IQCE: variants seen among roughly 807,000 people sequenced by gnomAD.
IQCE encodes IQ motif containing E, also known as IQ domain-containing protein E.
IQCE carries 115 observed loss-of-function variants against 96.0 expected under a neutral mutation model. The ratio of observed to expected loss-of-function variants is 1.20; its 90% confidence interval spans 1.03 to 1.40. The LOEUF is 1.40. Ranked by LOEUF, IQCE falls within the 40% of genes most tolerant of loss-of-function variation. The probability of loss-of-function intolerance (pLI) is 0.00; values close to 1 mark genes in which losing one functional copy is unlikely to be tolerated. For missense variants in IQCE, 1,041 were observed against 909.1 expected (o/e 1.15, Z -1.87); for synonymous variants, 412 against 371.2 (o/e 1.11, Z -1.26).
rs137867848 is a variant in IQCE, at chr7:2,566,159, A to C, written c.37-957A>C. Among the ~76,000 whole-genome samples, 465 of 152,320 alleles carry C rather than the reference A, an allele frequency of 3.1e-3. 2 individuals carry two copies. Among genetic ancestry groups the C allele is most frequent in the African/African-American group, 0.011 (450 of 41,580 alleles). ...GGCTCATAATGGGGCATTCAGCTCT[A>C]ACTTCCAGTGTCCGCATTGGAAAGC... On this transcript the variant is annotated intron_variant, in intron 1 of 21. Transcript: ENST00000402050.
Position 2,612,944 on chromosome 7 carries a change from A to G in IQCE, c.*2782A>G, listed in dbSNP as rs888420172. The G allele has an allele frequency of 6.6e-6, 1 of 152,226 alleles. No homozygotes were observed. The highest frequency in any genetic ancestry group is 1.5e-5 in the Non-Finnish European group (1 of 68,054). The allele number at this position is 152,226 out of a possible 1,614,324, so 9.4% of individuals were successfully genotyped here. A position where few individuals can be genotyped will look rare whatever the true frequency, so the allele number is the denominator to read the frequency against. ...GAAAGGGACTCCTGCCCCAGCGTCA[A>G]GTGCCAAAGCAGGCCCCATCTACCA... is the stretch of plus-strand genomic sequence containing the variant. On this transcript the variant is annotated 3_prime_UTR_variant, in exon 22 of 22. Coordinates refer to ENST00000402050, the MANE Select transcript of IQCE (RefSeq NM_152558.5).
Position 2,573,481 on chromosome 7 carries a change from TAAAG to T in IQCE, c.461_464del (p.Lys154SerfsTer12). 2 of 1,522,960 alleles carry T rather than the reference TAAAG, an allele frequency of 1.3e-6. No homozygotes were observed. Among genetic ancestry groups the T allele is most frequent in the Middle Eastern group, 1.7e-4 (1 of 5,924 alleles). 94.3% of individuals were successfully genotyped at this position (1,522,960 alleles called of 1,614,324 possible). A position where few individuals can be genotyped will look rare whatever the true frequency, so the allele number is the denominator to read the frequency against. On this transcript the variant is annotated frameshift_variant, in exon 6 of 22. Coordinates refer to ENST00000402050, the MANE Select transcript of IQCE (RefSeq NM_152558.5). LOFTEE classifies it high-confidence loss of function. The stretch of plus-strand genomic sequence containing the variant: ...GATATGTATGACGAGATTATTGAGT[TAAAG>T]AAGGTAGTATTTCGGTTTGTTCTCT...
At chr7:2,568,852 C>T in intron 2 of IQCE, 102 bp from the exon 3 acceptor site, 2 of 1,066,914 alleles carry the variant, frequency 1.9e-6, no homozygotes, top group Non-Finnish European at 2.8e-6. Flanking sequence ...CGTCCTCTTG[C>T]TGCTCTTACA....
chr7:2,595,259 C>T (rs1185361701), intron 16 of IQCE, among the ~76,000 whole-genome samples: 1 of 152,130 alleles, frequency 6.6e-6, no homozygotes, highest in African/African-American at 2.4e-5. Context: ...TGTAGTTATG[C>T]GGCCGGAGCT....
intron 15 of IQCE, among the ~76,000 whole-genome samples, chr7:2,593,652 A>C (rs907943359): frequency 6.6e-6 from 1 of 152,218 alleles, no homozygotes. Context: ...CGCGTAGCAC[A>C]CGATTCCTTG....
In IQCE at chr7:2,599,823, C is replaced by T. The variant is rs112446624; in HGVS notation, c.1608+1191C>T. On this transcript the variant is annotated intron_variant, in intron 17 of 21. Coordinates refer to ENST00000402050, the MANE Select transcript of IQCE (RefSeq NM_152558.5). ...TCTTTTTTTTTTTGAGATGGAGTTT[C>T]GCTCTTGTGGCCCAGGCTGGAGTGC... is the stretch of plus-strand genomic sequence containing the variant. Among the ~76,000 whole-genome samples the T allele has an allele frequency of 3.0e-4, 45 of 147,988 alleles. 1 individual carries two copies. Among genetic ancestry groups the T allele is most frequent in the African/African-American group, 1.0e-3 (40 of 40,150 alleles).
intron 1 of IQCE, among the ~76,000 whole-genome samples, chr7:2,562,305 A>T (rs1402844804): frequency 1.6e-5 from 2 of 121,520 alleles, no homozygotes; most frequent in African/African-American, 7.4e-5. Flanking sequence ...TATATATAAA[A>T]TCCTTTTCAT....
At chr7:2,603,303 C>T (rs907559093) in intron 18 of IQCE, among the ~76,000 whole-genome samples, 8 of 152,202 alleles carry the variant, frequency 5.3e-5, no homozygotes, top group African/African-American at 1.9e-4. Flanking sequence ...TTCTTGCCAG[C>T]CTCCCGTCAG....
intron 20 of IQCE, among the ~76,000 whole-genome samples, chr7:2,606,919 C>T (rs1479611380): frequency 6.6e-6 from 1 of 152,136 alleles, no homozygotes; most frequent in Non-Finnish European, 1.5e-5. Context: ...TGGACGGGGA[C>T]GTGTCTGAGG....
rs779599450 is a variant in IQCE, at chr7:2,587,894, G to A, written c.1044+17G>A. ...CTGGAGAAGGTGAGCGGGCGTCTCA[G>A]TGCCACTGTCGTTGGGGACCAGGGG... is the stretch of plus-strand genomic sequence containing the variant. On this transcript the variant is annotated intron_variant, in intron 13 of 21. Coordinates refer to ENST00000402050, the MANE Select transcript of IQCE (RefSeq NM_152558.5). 1 of 1,613,404 alleles carries A rather than the reference G, an allele frequency of 6.2e-7. No homozygotes were observed. The highest frequency in any genetic ancestry group is 8.5e-7 in the Non-Finnish European group (1 of 1,179,444).
At chr7:2,564,566 C>T (rs1781220663) in intron 1 of IQCE, among the ~76,000 whole-genome samples, 1 of 151,956 alleles carries the variant, frequency 6.6e-6, no homozygotes, top group African/African-American at 2.4e-5. Flanking sequence ...TCACTGCACT[C>T]CAGCCTGGGC....
chr7:2,586,238 A>C lies in IQCE; in HGVS notation c.855A>C (p.Lys285Asn). Residue 285 changes from lysine (K) to asparagine (N), a missense_variant, in exon 12 of 22, where the codon AAA becomes AAC. Coordinates refer to ENST00000402050, the MANE Select transcript of IQCE (RefSeq NM_152558.5). ...TGGGGGAGAAGAAGACGGGCGCCAA[A>C]AGGCAGAAGAAGATGGGCAGTGCCC... ...KPLGEKKTGA[K>N]RQKKMGSALL... 1 of 1,613,908 alleles carries C rather than the reference A, an allele frequency of 6.2e-7. No homozygotes were observed. The highest frequency in any genetic ancestry group is 8.5e-7 in the Non-Finnish European group (1 of 1,179,938).
chr7:2,604,683 C>T (rs1391016842), intron 18 of IQCE, among the ~76,000 whole-genome samples, 198 bp from the exon 19 acceptor site: 2 of 152,202 alleles, frequency 1.3e-5, no homozygotes, highest in East Asian at 1.9e-4. Context: ...TGTCAGCTCC[C>T]TGGGGCGCCA....
At chr7:2,564,743 G>A (rs1457647539) in intron 1 of IQCE, among the ~76,000 whole-genome samples, 1 of 152,144 alleles carries the variant, frequency 6.6e-6, no homozygotes, top group African/African-American at 2.4e-5. Context: ...TATGTTTAAT[G>A]TACACTTGAG....
chr7:2,584,935 G>A (rs1385916312), intron 11 of IQCE, among the ~76,000 whole-genome samples: 1 of 152,164 alleles, frequency 6.6e-6, no homozygotes, highest in African/African-American at 2.4e-5. Context: ...TAGTGTAGTG[G>A]TAATCACGTC....
At chr7:2,600,156 G>A (rs4719594) in intron 17 of IQCE, among the ~76,000 whole-genome samples, 18,475 of 151,856 alleles carry the variant, frequency 0.12, 1,193 homozygotes, top group Admixed American at 0.16. Context: ...GTTACAGAAC[G>A]TTCCCTTTCC....
intron 9 of IQCE, 48 bp downstream of exon 9, chr7:2,582,698 G>A: frequency 6.4e-7 from 1 of 1,556,514 alleles, no homozygotes; most frequent in Non-Finnish European, 8.8e-7. Context: ...CCCGTGTTCT[G>A]CTTGCTCAGA....
intron 12 of IQCE, among the ~76,000 whole-genome samples, chr7:2,587,060 A>G (rs1320176375): frequency 6.6e-6 from 1 of 152,130 alleles, no homozygotes; most frequent in Non-Finnish European, 1.5e-5. Flanking sequence ...GGTGTGGTGA[A>G]AGGTGTTCAG....
At chr7:2,582,045 TCTC>T (rs1562643639) in intron 8 of IQCE, 1 of 468,616 alleles carries the variant, frequency 2.1e-6, no homozygotes, top group Non-Finnish European at 4.4e-6. Flanking sequence ...AAGAATATTG[TCTC>T]CTCTAAGCAA....
Sources: allele counts gnomAD v4.1 joint callset (sites outside exome capture counted in the v4.1 genomes callset), GRCh38; gene constraint gnomAD v4.1.1; transcripts MANE v1.5; gene names NCBI Gene and HGNC (gene_info 2026-07-23, HGNC 2026-07-21).